DISC1: variants seen among roughly 807,000 people sequenced by gnomAD.
DISC1 encodes the protein DISC1 scaffold protein, also known as disrupted in schizophrenia 1 protein.
A neutral mutation model predicts 84.5 loss-of-function variants in DISC1; 57 were observed. The ratio of observed to expected loss-of-function variants is 0.67; its 90% CI spans 0.55 to 0.84. DISC1 has a LOEUF of 0.84. DISC1 is among the 40% of genes least tolerant of loss of function. The pLI is 0.00. For missense variants in DISC1, 1,000 were observed against 1,057.8 expected (o/e 0.95, Z 0.76); for synonymous variants, 411 against 415.2 (o/e 0.99, Z 0.12).
intron 1 of DISC1, among the ~76,000 whole-genome samples, chr1:231,650,991 C>A (rs1037905490): frequency 1.3e-5 from 2 of 152,020 alleles, no homozygotes; most frequent in African/African-American, 4.8e-5. Context: ...TTTTAGCTTC[C>A]TAGCAATGGG....
At chr1:231,889,801 C>G (rs201197575) in intron 9 of DISC1, among the ~76,000 whole-genome samples, 5 of 151,916 alleles carry the variant, frequency 3.3e-5, no homozygotes, top group Non-Finnish European at 7.4e-5. Flanking sequence ...CTCTGTAAAA[C>G]ATGTAGGGGC....
chr1:231,858,252 C>T (rs2084401942), intron 9 of DISC1, among the ~76,000 whole-genome samples: 1 of 152,230 alleles, frequency 6.6e-6, no homozygotes, highest in Admixed American at 6.5e-5. Flanking sequence ...TCTTCCCTGG[C>T]TAAGCATCCG....
chr1:231,852,192 A>G (rs1323536548), intron 9 of DISC1, among the ~76,000 whole-genome samples: 1 of 152,224 alleles, frequency 6.6e-6, no homozygotes, highest in Non-Finnish European at 1.5e-5. Context: ...CCTGACTGAC[A>G]AAAACAAATT....
chr1:231,707,161 A>G (rs2067190873), intron 3 of DISC1, among the ~76,000 whole-genome samples: 2 of 152,346 alleles, frequency 1.3e-5, no homozygotes, highest in Admixed American at 1.3e-4. Flanking sequence ...CTGGGGGCCC[A>G]TGGAACATAA....
intron 1 of DISC1, among the ~76,000 whole-genome samples, chr1:231,646,541 A>G (rs117397248): frequency 1.3e-5 from 2 of 152,314 alleles, no homozygotes; most frequent in East Asian, 3.8e-4. Flanking sequence ...TATTGCCCCA[A>G]TTCTAAATTT....
chr1:231,786,036 A>G (rs958119909), intron 6 of DISC1, among the ~76,000 whole-genome samples: 1 of 152,078 alleles, frequency 6.6e-6, no homozygotes, highest in South Asian at 2.1e-4. Context: ...GTCTCATCTA[A>G]TATATTCTGT....
chr1:231,900,578 T>A (rs1454440053), intron 9 of DISC1, among the ~76,000 whole-genome samples: 2 of 152,336 alleles, frequency 1.3e-5, no homozygotes, highest in African/African-American at 4.8e-5. Flanking sequence ...TGAACCGTTA[T>A]ATTCGGTATA....
intron 6 of DISC1, among the ~76,000 whole-genome samples, chr1:231,772,078 G>C (rs552016650): frequency 3.3e-5 from 5 of 151,548 alleles, no homozygotes; most frequent in Non-Finnish European, 7.4e-5. Flanking sequence ...GCCTCTGGAG[G>C]AGCTGGGACC....
intron 1 of DISC1, among the ~76,000 whole-genome samples, chr1:231,652,379 A>T (rs2125297375): frequency 6.6e-6 from 1 of 152,278 alleles, no homozygotes; most frequent in Middle Eastern, 3.4e-3. Flanking sequence ...TAGGTTTTCC[A>T]ACTTGCTTGA....
intron 8 of DISC1, chr1:231,813,488 A>G (rs552643535): frequency 6.6e-6 from 1 of 152,224 alleles, no homozygotes; most frequent in African/African-American, 2.4e-5. Context: ...TCTTTGTGGC[A>G]TGCGGTAGGG....
intron 9 of DISC1, among the ~76,000 whole-genome samples, chr1:231,849,088 C>T (rs2083674726): frequency 6.6e-6 from 1 of 151,186 alleles, no homozygotes; most frequent in Non-Finnish European, 1.5e-5. Context: ...GTTTACTTAT[C>T]ACAACAATCC....
chr1:231,994,398 C>T (rs1665627000), intron 10 of DISC1, among the ~76,000 whole-genome samples: 1 of 152,154 alleles, frequency 6.6e-6, no homozygotes, highest in Non-Finnish European at 1.5e-5. Flanking sequence ...CCCTACCTTG[C>T]CTTGGAAGTT....
At chr1:231,974,380 C>G (rs1662485689) in intron 10 of DISC1, among the ~76,000 whole-genome samples, 1 of 152,142 alleles carries the variant, frequency 6.6e-6, no homozygotes, top group Admixed American at 6.5e-5. Flanking sequence ...GACCATTTTA[C>G]TGGTCTTTTT....
chr1:231,931,142 T>G (rs2090631234), intron 9 of DISC1, among the ~76,000 whole-genome samples: 1 of 152,118 alleles, frequency 6.6e-6, no homozygotes, highest in African/African-American at 2.4e-5. Flanking sequence ...CTCCAGGAGA[T>G]GGAGGTAGTT....
At chr1:231,771,564 T>C in intron 6 of DISC1, 1 of 985,448 alleles carries the variant, frequency 1.0e-6, no homozygotes, top group Non-Finnish European at 1.2e-6. Context: ...CCAGGCAGTG[T>C]TATAAGCTGA....
At chr1:231,809,524 G>GAA (rs10692560) in intron 8 of DISC1, among the ~76,000 whole-genome samples, 39,135 of 123,390 alleles carry the variant, frequency 0.32, 5,943 homozygotes, top group Admixed American at 0.36. Context: ...TTTTTTTTTT[G>GAA]AAAAAAAAAA....
At chr1:231,690,974 T>C (rs1371464518) in intron 1 of DISC1, among the ~76,000 whole-genome samples, 1 of 152,164 alleles carries the variant, frequency 6.6e-6, no homozygotes, top group Non-Finnish European at 1.5e-5. Flanking sequence ...ACCTCTCTTA[T>C]GTTTGCCCTC....
chr1:231,795,585 C>T (rs1558558896), intron 7 of DISC1, among the ~76,000 whole-genome samples: 3 of 152,188 alleles, frequency 2.0e-5, no homozygotes, highest in Admixed American at 6.5e-5. Context: ...TATTGAAAGC[C>T]TTTGCTTAAA....
chr1:231,873,008 A>G (rs551182019), intron 9 of DISC1, among the ~76,000 whole-genome samples: 15 of 152,238 alleles, frequency 9.9e-5, no homozygotes, highest in Non-Finnish European at 2.1e-4. Context: ...GGCATCCGTC[A>G]GGAGTTTGTC....
Sources: allele counts gnomAD v4.1 joint callset (sites outside exome capture counted in the v4.1 genomes callset), GRCh38; gene constraint gnomAD v4.1.1; transcripts MANE v1.5; gene names NCBI Gene and HGNC (gene_info 2026-07-23, HGNC 2026-07-21).